Variants in PCDH15 observed in about 807,000 individuals in gnomAD.
PCDH15 encodes the protein protocadherin related 15.
PCDH15 carries 129 observed loss-of-function variants against 178.5 expected under a neutral mutation model. That is an observed-to-expected ratio of 0.72 (90% CI 0.63 to 0.84). The LOEUF (loss-of-function observed/expected upper bound fraction) is 0.84, where lower values mean the gene tolerates loss of function less well. Among genes scored for constraint, PCDH15 ranks in the 40% least tolerant of loss-of-function variants. The probability of loss-of-function intolerance (pLI) is 0.00; values close to 1 mark genes in which losing one functional copy is unlikely to be tolerated. For synonymous variants in PCDH15, 800 were observed against 732.0 expected (o/e 1.09, Z -1.50); for missense variants, 2,230 against 2,099.9 (o/e 1.06, Z -1.21).
chr10:54,121,260 C>A (rs1177202159), intron 15 of PCDH15, among the ~76,000 whole-genome samples: 2 of 151,876 alleles, frequency 1.3e-5, no homozygotes, highest in Non-Finnish European at 2.9e-5. Flanking sequence ...AACAGAAACA[C>A]AACATAAAAA....
At chr10:54,725,102 T>G (rs1019096483) in intron 1 of PCDH15, among the ~76,000 whole-genome samples, 9 of 151,572 alleles carry the variant, frequency 5.9e-5, no homozygotes, top group South Asian at 2.1e-4. Context: ...GAATAAGACA[T>G]CACATTGAGT....
intron 2 of PCDH15, among the ~76,000 whole-genome samples, chr10:54,639,454 A>T (rs1249492998): frequency 6.6e-6 from 1 of 152,136 alleles, no homozygotes; most frequent in Non-Finnish European, 1.5e-5. Flanking sequence ...AAAAGGTCTC[A>T]GAAGTTTAAG....
rs367726812 is a variant in PCDH15, at chr10:54,051,770, T to C, written c.2220+14987A>G. On this transcript the variant is annotated intron_variant, in intron 18 of 37. Transcript: ENST00000644397. ...CATTGGGGAAAATGTCTCCAGGGCA[T>C]ATCAGAGACCTGCACAGCATCCTTT... Among the ~76,000 whole-genome samples the C allele has an allele frequency of 3.3e-5, 5 of 152,242 alleles. No homozygotes were observed. The South Asian group carries it at 6.2e-4, about 19-fold the overall frequency.
chr10:54,039,822 T>A (rs573277582), intron 18 of PCDH15, among the ~76,000 whole-genome samples: 2 of 152,066 alleles, frequency 1.3e-5, no homozygotes, highest in South Asian at 4.1e-4. Context: ...CATTTCTACA[T>A]CCCTCTTTAC....
chr10:54,593,479 C>T (rs1323507904), intron 2 of PCDH15, among the ~76,000 whole-genome samples: 1 of 152,090 alleles, frequency 6.6e-6, no homozygotes, highest in East Asian at 1.9e-4. Context: ...GGCTGGTTTA[C>T]TCTAAGTGCA....
chr10:54,723,383 G>A (rs66472910), intron 1 of PCDH15, among the ~76,000 whole-genome samples: 18,515 of 151,518 alleles, frequency 0.12, 1,265 homozygotes, highest in African/African-American at 0.17. Flanking sequence ...CTCTCACTGT[G>A]TACAAAAATC....
At chr10:54,687,342 A>G (rs949032624) in intron 1 of PCDH15, among the ~76,000 whole-genome samples, 1 of 152,176 alleles carries the variant, frequency 6.6e-6, no homozygotes, top group African/African-American at 2.4e-5. Context: ...ACTCTCAGAT[A>G]CAATCATATA....
intron 21 of PCDH15, among the ~76,000 whole-genome samples, chr10:53,987,348 G>A (rs2091177905): frequency 6.6e-6 from 1 of 152,084 alleles, no homozygotes; most frequent in Non-Finnish European, 1.5e-5. Flanking sequence ...CTTACAAAGT[G>A]TATATCCTCA....
chr10:54,454,554 T>C (rs1000063321), intron 3 of PCDH15, among the ~76,000 whole-genome samples: 5 of 151,680 alleles, frequency 3.3e-5, no homozygotes, highest in African/African-American at 1.2e-4. Context: ...ATTATTCCTC[T>C]GAAATAATAT....
intron 2 of PCDH15, among the ~76,000 whole-genome samples, chr10:55,426,551 T>G (rs1020148401): frequency 1.3e-5 from 2 of 152,096 alleles, no homozygotes; most frequent in Non-Finnish European, 2.9e-5. Flanking sequence ...ACAGTGCTCT[T>G]TAGCTCGGCC....
intron 21 of PCDH15, among the ~76,000 whole-genome samples, chr10:53,967,863 G>A (rs1013332334): frequency 1.3e-5 from 2 of 152,100 alleles, no homozygotes; most frequent in Non-Finnish European, 1.5e-5. Context: ...AATGATAAAA[G>A]CTATCTATTT....
At chr10:54,732,831 A>G (rs1943591388) in intron 1 of PCDH15, among the ~76,000 whole-genome samples, 1 of 151,560 alleles carries the variant, frequency 6.6e-6, no homozygotes, top group African/African-American at 2.4e-5. Flanking sequence ...AAAACATACT[A>G]CATCACAGTC....
chr10:54,993,377 T>C (rs1007581889), intron 2 of PCDH15, among the ~76,000 whole-genome samples: 1 of 152,146 alleles, frequency 6.6e-6, no homozygotes, highest in African/African-American at 2.4e-5. Flanking sequence ...GAAATGCAAC[T>C]GCAATATCTA....
At chr10:55,217,583 A>G (rs1840742753) in intron 1 of PCDH15, among the ~76,000 whole-genome samples, 1 of 151,872 alleles carries the variant, frequency 6.6e-6, no homozygotes, top group African/African-American at 2.4e-5. Flanking sequence ...ATTTCCACAA[A>G]GCTATTATTG....
At chr10:53,954,550 A>C (rs2087422249) in intron 23 of PCDH15, among the ~76,000 whole-genome samples, 1 of 152,202 alleles carries the variant, frequency 6.6e-6, no homozygotes, top group Non-Finnish European at 1.5e-5. Context: ...TCAAATTTAC[A>C]CTTTGCCATT....
intron 20 of PCDH15, among the ~76,000 whole-genome samples, chr10:54,002,053 G>GTA (rs71007803): frequency 1.4e-5 from 1 of 69,942 alleles, no homozygotes; most frequent in African/African-American, 5.7e-5. Context: ...ATACATATAT[G>GTA]TATATATATA....
chr10:54,784,658 A>G (rs759339435), intron 1 of PCDH15, among the ~76,000 whole-genome samples: 1 of 149,790 alleles, frequency 6.7e-6, no homozygotes, highest in Non-Finnish European at 1.5e-5. Flanking sequence ...TCATGAAATC[A>G]TGCAAAAGTA....
At chr10:53,880,630 T>C (rs2080638579) in intron 26 of PCDH15, among the ~76,000 whole-genome samples, 1 of 152,106 alleles carries the variant, frequency 6.6e-6, no homozygotes, top group Non-Finnish European at 1.5e-5. Flanking sequence ...ATTGCTTTCA[T>C]AGTAAAAGAG....
intron 18 of PCDH15, among the ~76,000 whole-genome samples, chr10:54,056,372 G>C (rs1170717462): frequency 1.3e-5 from 2 of 152,134 alleles, no homozygotes; most frequent in Non-Finnish European, 2.9e-5. Flanking sequence ...AAAAGAAAGA[G>C]GTTTAATTGA....
Sources: gnomAD v4.1 joint callset for allele counts (sites outside exome capture counted in the v4.1 genomes callset) on GRCh38, gnomAD v4.1.1 for gene constraint, MANE v1.5 for transcripts, NCBI Gene and HGNC (gene_info 2026-07-23, HGNC 2026-07-21) for gene names.